The following ODR4 variants were observed in gnomAD, a reference collection of about 807,000 sequenced individuals.
ODR4 encodes protein odr-4 homolog.
ODR4 carries 47 observed loss-of-function variants against 60.2 expected under a neutral mutation model. The ratio of observed to expected loss-of-function variants is 0.78; its 90% CI spans 0.62 to 1.00. ODR4 has a LOEUF of 1.00. Among genes scored for constraint, ODR4 ranks in the 50% least tolerant of loss-of-function variants. The pLI is 0.00. For missense variants in ODR4, 488 were observed against 530.8 expected (o/e 0.92, Z 0.79); for synonymous variants, 178 against 175.5 (o/e 1.01, Z -0.11).
At chr1:186,385,471 G>C (rs778525007) in intron 3 of ODR4, among the ~76,000 whole-genome samples, 7 of 151,622 alleles carry the variant, frequency 4.6e-5, no homozygotes, top group Non-Finnish European at 8.8e-5. Flanking sequence ...GAAAAGATCA[G>C]AGAAGGCAGC....
intron 12 of ODR4, among the ~76,000 whole-genome samples, chr1:186,413,639 A>G (rs975515705): frequency 6.6e-5 from 10 of 152,330 alleles, no homozygotes; most frequent in East Asian, 1.9e-4. Context: ...ATCTTTGCCA[A>G]TATCAGAGCT....
At position 186,410,699 on chromosome 1, in the gene ODR4, C is replaced by T. The variant is rs143122314; in HGVS notation, c.1186+4431C>T. Among the ~76,000 whole-genome samples the T allele has an allele frequency of 1.8e-4, 28 of 152,220 alleles. No homozygotes were observed. The East Asian group carries it at 4.3e-3, about 23-fold the overall frequency. The stretch of plus-strand genomic sequence containing the variant: ...AGCAGTAATCTATAATATACAGTAA[C>T]GAAGTTTTGGCATTCCTGTATTAAA... On this transcript the variant is annotated intron_variant, in intron 12 of 13. Transcript: ENST00000287859.
At chr1:186,406,310 C>G in intron 12 of ODR4, 42 bp downstream of exon 12, 5 of 1,425,028 alleles carry the variant, frequency 3.5e-6, no homozygotes, top group Non-Finnish European at 4.7e-6. Flanking sequence ...TAGATTACAG[C>G]TAAGATTTTA....
At chr1:186,384,572 GACACAC>G (rs368870659) in intron 3 of ODR4, among the ~76,000 whole-genome samples, 14 of 129,636 alleles carry the variant, frequency 1.1e-4, no homozygotes, top group East Asian at 8.2e-4. Context: ...AATTGTATAT[GACACAC>G]ACACACACAC....
At chr1:186,402,675 A>G (rs1008979542) in intron 11 of ODR4, among the ~76,000 whole-genome samples, 4 of 151,128 alleles carry the variant, frequency 2.6e-5, no homozygotes, top group Non-Finnish European at 5.9e-5. Context: ...ACAGCTTTGA[A>G]CTCCTGGCTG....
intron 3 of ODR4, among the ~76,000 whole-genome samples, chr1:186,384,903 T>A (rs775421186): frequency 6.6e-6 from 1 of 152,114 alleles, no homozygotes; most frequent in East Asian, 1.9e-4. Flanking sequence ...AAGACTGTAC[T>A]CTGATTGATT....
chr1:186,406,368 AGCT>A (rs1439407162), intron 12 of ODR4, 100 bp downstream of exon 12: 1 of 869,372 alleles, frequency 1.2e-6, no homozygotes, highest in African/African-American at 1.7e-5. Flanking sequence ...TTTTTTTTAA[AGCT>A]AGTTCTGTTT....
At chr1:186,430,131 C>T in the ODR4 span, among the ~76,000 whole-genome samples, 1 of 151,914 alleles carries the variant, frequency 6.6e-6, no homozygotes, top group Admixed American at 6.6e-5. Flanking sequence ...TAGAAATAGA[C>T]TTTGATTATT....
At chr1:186,381,593 C>T (rs950053210) in intron 2 of ODR4, among the ~76,000 whole-genome samples, 3 of 152,184 alleles carry the variant, frequency 2.0e-5, no homozygotes, top group Non-Finnish European at 4.4e-5. Context: ...TCCCAAAGTG[C>T]TGGGATTACA....
intron 11 of ODR4, among the ~76,000 whole-genome samples, chr1:186,404,675 A>T (rs1324859261): frequency 2.6e-5 from 4 of 152,188 alleles, no homozygotes; most frequent in African/African-American, 9.7e-5. Flanking sequence ...CCCAGTTCTC[A>T]TGTGCAAACA....
chr1:186,379,210 A>C (rs2102010065), intron 1 of ODR4, among the ~76,000 whole-genome samples: 1 of 152,106 alleles, frequency 6.6e-6, no homozygotes, highest in Non-Finnish European at 1.5e-5. Context: ...TTGGAGGCCG[A>C]GGCGGGCGGA....
chr1:186,389,438 A>G (rs983017681), intron 5 of ODR4, 150 bp from the exon 6 acceptor site: 29 of 610,918 alleles, frequency 4.7e-5, no homozygotes, highest in Non-Finnish European at 6.3e-5. Flanking sequence ...ATATGCACAC[A>G]TGTACATATA....
At chr1:186,417,438 AAG>A in intron 12 of ODR4, 104 bp from the exon 13 acceptor site, 1 of 691,218 alleles carries the variant, frequency 1.4e-6, no homozygotes, top group Non-Finnish European at 2.5e-6. Flanking sequence ...AACAAGTAGA[AAG>A]AAAATGGTGA....
chr1:186,387,945 G>A (rs373344987), intron 4 of ODR4, among the ~76,000 whole-genome samples: 6 of 152,088 alleles, frequency 3.9e-5, no homozygotes, highest in African/African-American at 1.2e-4. Context: ...CTTGTGTGAC[G>A]TTTAAATAAG....
the ODR4 span, among the ~76,000 whole-genome samples, chr1:186,431,419 G>GA: frequency 4.6e-5 from 7 of 151,868 alleles, no homozygotes; most frequent in Admixed American, 4.6e-4. Context: ...TTCAAGAATA[G>GA]AAAAAAATGA....
At chr1:186,383,197 A>T in intron 3 of ODR4, 41 bp downstream of exon 3, 1 of 1,525,380 alleles carries the variant, frequency 6.6e-7, no homozygotes, top group Non-Finnish European at 8.8e-7. Flanking sequence ...GTTTTATTTC[A>T]AAAAAGAGCT....
rs572417590 is a variant in ODR4, at chr1:186,385,801, A to G, written c.235-187A>G. 3.9e-5 allele frequency among the ~76,000 whole-genome samples: 6 copies of G among 152,298 alleles called. No individual in the cohort carries two copies. In the South Asian group the frequency reaches 1.2e-3, roughly 32 times the overall value. ...TGGGACGCCATTGAAAAAATATTTCAGTCTTTGATCTCCTGAGAAAAGGAT... is the reference window on the plus strand; with the variant it reads ...TGGGACGCCATTGAAAAAATATTTCGGTCTTTGATCTCCTGAGAAAAGGAT... On this transcript the variant is annotated intron_variant, in intron 3 of 13. Coordinates refer to ENST00000287859, the MANE Select transcript of ODR4 (RefSeq NM_017847.6).
chr1:186,379,651 C>T, intron 1 of ODR4, 116 bp from the exon 2 acceptor site: 1 of 559,610 alleles, frequency 1.8e-6, no homozygotes. Context: ...GTATTTGCTG[C>T]AAGGCATGAG....
At chr1:186,379,723 T>G in intron 1 of ODR4, 44 bp from the exon 2 acceptor site, 9 of 1,038,206 alleles carry the variant, frequency 8.7e-6, no homozygotes, top group Non-Finnish European at 1.3e-5. Flanking sequence ...ACATTGCAAA[T>G]GATATTTTAC....
Sources: gnomAD v4.1 joint callset for allele counts (sites outside exome capture counted in the v4.1 genomes callset) on GRCh38, gnomAD v4.1.1 for gene constraint, MANE v1.5 for transcripts, NCBI Gene and HGNC (gene_info 2026-07-23, HGNC 2026-07-21) for gene names.